TUBGCP3: variants seen among roughly 807,000 people sequenced by gnomAD.
The protein encoded by TUBGCP3 is gamma-tubulin complex component 3.
A neutral mutation model predicts 123.1 loss-of-function variants in TUBGCP3; 50 were observed. The ratio of observed to expected loss-of-function variants is 0.41; its 90% CI spans 0.32 to 0.51. TUBGCP3 has a LOEUF of 0.51. Among genes scored for constraint, TUBGCP3 ranks in the 20% least tolerant of loss-of-function variants. The pLI is 0.36. For synonymous variants in TUBGCP3, 405 were observed against 413.9 expected, an observed-to-expected ratio of 0.98 and a Z score of 0.26; for missense variants, 882 against 1,127.0, an observed-to-expected ratio of 0.78 and a Z score of 3.11.
At chr13:112,563,742 G>T (rs1300527068) in intron 3 of TUBGCP3, among the ~76,000 whole-genome samples, 2 of 151,680 alleles carry the variant, frequency 1.3e-5, no homozygotes, top group African/African-American at 4.8e-5. Context: ...GGGCGTGTTG[G>T]CGGGCGCCTG....
chr13:112,555,158 T>C (rs538778173), intron 6 of TUBGCP3, among the ~76,000 whole-genome samples, 153 bp from the exon 7 acceptor site: 68 of 152,200 alleles, frequency 4.5e-4, no homozygotes, highest in African/African-American at 1.5e-3. Context: ...GAGTATGAGA[T>C]TAGAAAGAAA....
intron 11 of TUBGCP3, among the ~76,000 whole-genome samples, chr13:112,543,447 T>C (rs1386943942): frequency 6.6e-6 from 1 of 152,222 alleles, no homozygotes; most frequent in Non-Finnish European, 1.5e-5. Context: ...TAAAAATTTT[T>C]AAAAGAACTT....
chr13:112,545,783 G>GTGC lies in TUBGCP3; in HGVS notation c.1248_1250dup (p.Gln416dup), dbSNP rs754762633. 1 of 1,614,194 alleles carries GTGC rather than the reference G, an allele frequency of 6.2e-7. No homozygotes were observed. ...CAGGATGAGACACGAGGCTGAGGAT[G>GTGC]TGCTGCACCAGAGACCGCATGTACG... On this transcript the variant is annotated inframe_insertion, in exon 11 of 22. Coordinates refer to ENST00000261965, the MANE Select transcript of TUBGCP3 (RefSeq NM_006322.6). The surrounding 1 kb of genome is among the most constrained non-coding windows in gnomAD (Gnocchi z 4.1).
intron 16 of TUBGCP3, among the ~76,000 whole-genome samples, chr13:112,518,030 G>C (rs1876297573): frequency 6.6e-6 from 1 of 152,144 alleles, no homozygotes; most frequent in African/African-American, 2.4e-5. Flanking sequence ...TTTAAGAGAA[G>C]TTATACACTT....
In TUBGCP3 at chr13:112,587,954, C is replaced by A. The variant is rs1178996996; in HGVS notation, c.27G>T (p.Pro9=). MATPDQKS[P]NVLLQNLCCR... Reference sequence around the variant, plus strand: ...AGCACAGGTTCTGCAGCAGAACGTTCGGCGACTTCTGGTCCGGGGTCGCCA... The same window carrying A: ...AGCACAGGTTCTGCAGCAGAACGTTAGGCGACTTCTGGTCCGGGGTCGCCA... The change falls in exon 1 of 22, where the codon CCG becomes CCT. Residue 9 remains proline, a synonymous_variant. Transcript: ENST00000261965. 6.3e-7 allele frequency: 1 copy of A among 1,592,982 alleles called. No homozygotes were observed. The highest frequency in any genetic ancestry group is 1.4e-5 in the African/African-American group (1 of 72,430).
chr13:112,559,249 C>A, intron 4 of TUBGCP3, 73 bp downstream of exon 4: 1 of 1,241,478 alleles, frequency 8.1e-7, no homozygotes, highest in South Asian at 1.4e-5. Flanking sequence ...TTCTTAGCTG[C>A]AGAAGCCGTT....
chr13:112,543,155 AAAAG>A (rs1878671552), intron 11 of TUBGCP3, among the ~76,000 whole-genome samples: 1 of 152,220 alleles, frequency 6.6e-6, no homozygotes, highest in Non-Finnish European at 1.5e-5. Context: ...ATCTCAAAAA[AAAAG>A]AGTGTGGCGG....
At chr13:112,556,312 G>T in intron 5 of TUBGCP3, 88 bp from the exon 6 acceptor site, 2 of 1,248,266 alleles carry the variant, frequency 1.6e-6, no homozygotes, top group Non-Finnish European at 2.2e-6. Context: ...TATTACTATC[G>T]TGAATTACAT....
chr13:112,567,559 G>A (rs1881049834), intron 2 of TUBGCP3, among the ~76,000 whole-genome samples: 1 of 152,134 alleles, frequency 6.6e-6, no homozygotes, highest in Non-Finnish European at 1.5e-5. Flanking sequence ...TAAATTTTTA[G>A]TATGTTAACA....
the TUBGCP3 span, among the ~76,000 whole-genome samples, chr13:112,598,832 G>A: frequency 5.3e-5 from 8 of 152,046 alleles, no homozygotes; most frequent in African/African-American, 1.4e-4. Context: ...TATAGTCCCA[G>A]CTACTCAGGA....
chr13:112,497,081 T>G (rs1319079996), intron 20 of TUBGCP3, among the ~76,000 whole-genome samples: 3 of 152,186 alleles, frequency 2.0e-5, no homozygotes, highest in Non-Finnish European at 4.4e-5. Context: ...GTGGGCAGTT[T>G]TACAAATGGC....
chr13:112,535,442 G>A (rs1877964325), intron 11 of TUBGCP3, among the ~76,000 whole-genome samples: 1 of 152,108 alleles, frequency 6.6e-6, no homozygotes, highest in African/African-American at 2.4e-5. Context: ...CCAAATCCTT[G>A]CCAACACCTG....
At chr13:112,501,870 C>T (rs1193374842) in intron 19 of TUBGCP3, among the ~76,000 whole-genome samples, 2 of 152,118 alleles carry the variant, frequency 1.3e-5, no homozygotes, top group Non-Finnish European at 2.9e-5. Context: ...TTTTCTCCCC[C>T]GGATAGGGTT....
chr13:112,600,105 T>C, the TUBGCP3 span, among the ~76,000 whole-genome samples: 1 of 152,182 alleles, frequency 6.6e-6, no homozygotes, highest in Non-Finnish European at 1.5e-5. Flanking sequence ...AATGGATCCT[T>C]TTAGCTGAGG....
At chr13:112,486,766 C>T (rs1879700518) in intron 21 of TUBGCP3, among the ~76,000 whole-genome samples, 1 of 152,264 alleles carries the variant, frequency 6.6e-6, no homozygotes, top group Admixed American at 6.5e-5. Flanking sequence ...GGCTGAAAGA[C>T]TTGCATACTG....
intron 1 of TUBGCP3, among the ~76,000 whole-genome samples, chr13:112,585,850 G>A (rs1213286585): frequency 6.6e-6 from 1 of 151,980 alleles, no homozygotes; most frequent in African/African-American, 2.4e-5. Context: ...GTTCTAAATG[G>A]GAAGATAGTA....
chr13:112,543,740 G>A (rs890908328), intron 11 of TUBGCP3, among the ~76,000 whole-genome samples: 3 of 151,988 alleles, frequency 2.0e-5, no homozygotes, highest in African/African-American at 7.2e-5. Flanking sequence ...TACTATTTTT[G>A]CAACTTTTTT....
chr13:112,570,648 T>G (rs572048988), intron 1 of TUBGCP3, among the ~76,000 whole-genome samples: 1 of 152,208 alleles, frequency 6.6e-6, no homozygotes, highest in Admixed American at 6.5e-5. Flanking sequence ...AGGGCGGTGG[T>G]TGCTGAAGGC....
At chr13:112,595,679 C>G in the TUBGCP3 span, among the ~76,000 whole-genome samples, 1 of 151,788 alleles carries the variant, frequency 6.6e-6, no homozygotes, top group Non-Finnish European at 1.5e-5. Context: ...CTATTTTTTT[C>G]CCCTTTCATT....
Sources: allele counts gnomAD v4.1 joint callset (sites outside exome capture counted in the v4.1 genomes callset), GRCh38; gene constraint gnomAD v4.1.1; non-coding constraint Gnocchi (gnomAD v3.1); transcripts MANE v1.5; gene names NCBI Gene and HGNC (gene_info 2026-07-23, HGNC 2026-07-21).